ASAP1: variants seen among roughly 807,000 people sequenced by gnomAD.
ASAP1 encodes ArfGAP with SH3 domain, ankyrin repeat and PH domain 1.
In ASAP1, 43 loss-of-function variants were observed where a neutral mutation model predicts 145.2. The observed-to-expected ratio is 0.30, with a 90% CI of 0.23 to 0.38. The LOEUF (loss-of-function observed/expected upper bound fraction) is 0.38. ASAP1 is among the 10% of genes least tolerant of loss of function. ASAP1 has a pLI of 1.00. For synonymous variants in ASAP1, 546 were observed against 515.5 expected (o/e 1.06, Z -0.80); for missense variants, 1,018 against 1,355.3 (o/e 0.75, Z 3.91).
At chr8:130,429,618 A>C (rs1405399726) in intron 1 of ASAP1, among the ~76,000 whole-genome samples, 1 of 152,036 alleles carries the variant, frequency 6.6e-6, no homozygotes, top group African/African-American at 2.4e-5. Flanking sequence ...CCCTCTGTAG[A>C]CTCTGTTTCA....
At chr8:130,360,837 TTG>T (rs1826677113) in intron 2 of ASAP1, 1 of 152,240 alleles carries the variant, frequency 6.6e-6, no homozygotes, top group Non-Finnish European at 1.5e-5. Flanking sequence ...ACATGGTCTT[TTG>T]AAGTATGAGC....
chr8:130,255,238 C>T (rs989158828), intron 3 of ASAP1, among the ~76,000 whole-genome samples: 8 of 152,232 alleles, frequency 5.3e-5, no homozygotes, highest in African/African-American at 1.9e-4. Flanking sequence ...AAGAAAAACT[C>T]CAAGACAAGT....
At chr8:130,144,165 A>T (rs957300634) in intron 13 of ASAP1, among the ~76,000 whole-genome samples, 2 of 152,200 alleles carry the variant, frequency 1.3e-5, no homozygotes, top group Admixed American at 1.3e-4. Context: ...CATACAATCA[A>T]TAACTACAAC....
At chr8:130,107,165 A>AGT (rs1384743377) in intron 24 of ASAP1, among the ~76,000 whole-genome samples, 1 of 147,268 alleles carries the variant, frequency 6.8e-6, no homozygotes, top group Admixed American at 6.9e-5. Context: ...GAAGAACTAT[A>AGT]GTCTCTCTCT....
chr8:130,148,898 A>C (rs1030321632), intron 13 of ASAP1, among the ~76,000 whole-genome samples: 8 of 151,830 alleles, frequency 5.3e-5, no homozygotes, highest in African/African-American at 1.5e-4. Flanking sequence ...GCAGTGGCGC[A>C]ATCTTGGCTC....
chr8:130,072,958 C>T (rs531401987), intron 27 of ASAP1, among the ~76,000 whole-genome samples: 1 of 151,008 alleles, frequency 6.6e-6, no homozygotes, highest in East Asian at 1.9e-4. Context: ...GGGGAAAAAT[C>T]CCCACACGTT....
At position 130,086,630 on chromosome 8, in the gene ASAP1, C is replaced by T. The variant is rs2097493821; in HGVS notation, c.2572+5343G>A. On this transcript the variant is annotated intron_variant, in intron 25 of 29. Coordinates refer to ENST00000518721, the MANE Select transcript of ASAP1 (RefSeq NM_018482.4). Reference sequence around the variant, plus strand: ...ACCAGCCTGGGCAATATGGTGAAACCCCGTCTCCACAAAAAATACAAAAAT... The same window carrying T: ...ACCAGCCTGGGCAATATGGTGAAACTCCGTCTCCACAAAAAATACAAAAAT... 2.0e-5 allele frequency among the ~76,000 whole-genome samples: 3 copies of T among 152,060 alleles called. No individual in the cohort carries two copies. The South Asian group carries it at 6.2e-4, about 32-fold the overall frequency.
In ASAP1 at chr8:130,134,422, T is replaced by C. The variant is rs564976308; in HGVS notation, c.1169-78A>G. ...CAGGTACAACACAGATTTAAGTTCCTGGGAAGAAAACCAGTAAAAGTAGAA... is the reference window on the plus strand; with the variant it reads ...CAGGTACAACACAGATTTAAGTTCCCGGGAAGAAAACCAGTAAAAGTAGAA... On this transcript the variant is annotated intron_variant, in intron 14 of 29. Coordinates refer to ENST00000518721, the MANE Select transcript of ASAP1 (RefSeq NM_018482.4). The C allele has an allele frequency of 4.3e-5, 39 of 899,496 alleles. No homozygotes were observed. In the South Asian group the frequency reaches 6.8e-4, roughly 16 times the overall value. 55.7% of individuals were successfully genotyped at this position (899,496 alleles called of 1,614,324 possible). A position where few individuals can be genotyped will look rare whatever the true frequency, so the allele number is the denominator to read the frequency against.
intron 2 of ASAP1, among the ~76,000 whole-genome samples, chr8:130,395,631 G>C (rs146497697): frequency 0.01 from 1,556 of 152,144 alleles, 16 homozygotes; most frequent in Non-Finnish European, 0.015. Flanking sequence ...CCAACACGTT[G>C]ATCTTGAACT....
chr8:130,188,143 G>A lies in ASAP1; in HGVS notation c.446C>T (p.Ser149Phe). Residue 149 changes from serine to phenylalanine, a missense_variant, in exon 6 of 30, where the codon TCT becomes TTT. This residue lies in a region of ASAP1 where 78 missense variants were observed against 161.0 expected (regional missense o/e 0.48). Coordinates refer to ENST00000518721, the MANE Select transcript of ASAP1 (RefSeq NM_018482.4). ...TCCCTTTAGGTCTCCTTTTAACAAA[G>A]AATCCAAGGTGAAGATCACATTGTG... ...LSHNVIFTLD[S>F]LLKGDLKGVK... 6.2e-7 allele frequency: 1 copy of A among 1,613,756 alleles called. No homozygotes were observed. The highest frequency in any genetic ancestry group is 8.5e-7 in the Non-Finnish European group (1 of 1,179,826).
intron 24 of ASAP1, among the ~76,000 whole-genome samples, chr8:130,107,148 TTA>T (rs1491464958): frequency 6.6e-6 from 1 of 151,854 alleles, no homozygotes; most frequent in Non-Finnish European, 1.5e-5. Context: ...GGATTGGGCC[TTA>T]TGAGGAAGAA....
chr8:130,149,000 C>A (rs978190448), intron 13 of ASAP1, among the ~76,000 whole-genome samples: 2 of 149,118 alleles, frequency 1.3e-5, no homozygotes, highest in Admixed American at 6.8e-5. Flanking sequence ...TCATGCCCAG[C>A]TAATTTTTGC....
chr8:130,104,021 T>C (rs1011790330), intron 24 of ASAP1, among the ~76,000 whole-genome samples: 2 of 152,196 alleles, frequency 1.3e-5, no homozygotes, highest in Non-Finnish European at 2.9e-5. Context: ...ATGGATATTC[T>C]CTACCATACA....
intron 20 of ASAP1, 105 bp from the exon 21 acceptor site, chr8:130,117,100 T>A: frequency 1.5e-6 from 1 of 653,212 alleles, no homozygotes; most frequent in Non-Finnish European, 2.6e-6. Flanking sequence ...ATTTGAGACC[T>A]AATTATTATA....
chr8:130,076,266 C>T lies in ASAP1; in HGVS notation c.2701+82G>A. The stretch of plus-strand genomic sequence containing the variant: ...TAGGCATTTGGGATGGATCAATGAA[C>T]AAGGGAGATAAAAACCTTGGGCCCC... On this transcript the variant is annotated intron_variant, in intron 27 of 29. Transcript: ENST00000518721. 3.1e-6 allele frequency: 3 copies of T among 966,340 alleles called. No homozygotes were observed. In the South Asian group the frequency reaches 4.6e-5, roughly 15 times the overall value. The allele number at this position is 966,340 out of a possible 1,614,324, so 59.9% of individuals were successfully genotyped here. A position where few individuals can be genotyped will look rare whatever the true frequency, so the allele number is the denominator to read the frequency against.
At chr8:130,088,177 C>G (rs1003754310) in intron 25 of ASAP1, among the ~76,000 whole-genome samples, 2 of 152,080 alleles carry the variant, frequency 1.3e-5, no homozygotes, top group African/African-American at 4.8e-5. Context: ...GTTGCACAGG[C>G]TGGGGTGCAA....
intron 3 of ASAP1, among the ~76,000 whole-genome samples, chr8:130,326,851 A>G (rs973476939): frequency 1.3e-5 from 2 of 152,204 alleles, no homozygotes; most frequent in Admixed American, 6.5e-5. Flanking sequence ...GAATATATTC[A>G]GAGACAATCA....
In ASAP1 at chr8:130,274,500, A is replaced by T. The variant is rs1263315832; in HGVS notation, c.187-37506T>A. Among the ~76,000 whole-genome samples the T allele has an allele frequency of 2.6e-5, 4 of 152,348 alleles. No homozygotes were observed. In the East Asian group the frequency reaches 7.7e-4, roughly 29 times the overall value. ...CTGAACCCTTGCACCAGACCACTCG[A>T]TCTACCTTAAATCCTAAATGGAAAA... On this transcript the variant is annotated intron_variant, in intron 3 of 29. Coordinates refer to ENST00000518721, the MANE Select transcript of ASAP1 (RefSeq NM_018482.4).
In ASAP1 at chr8:130,247,810, C is replaced by T. The variant is rs371737012; in HGVS notation, c.187-10816G>A. Among the ~76,000 whole-genome samples, 9 of 152,296 alleles carry T rather than the reference C, an allele frequency of 5.9e-5. No individual in the cohort carries two copies. In the East Asian group the frequency reaches 1.7e-3, roughly 29 times the overall value. On this transcript the variant is annotated intron_variant, in intron 3 of 29. Coordinates refer to ENST00000518721, the MANE Select transcript of ASAP1 (RefSeq NM_018482.4). The stretch of plus-strand genomic sequence containing the variant: ...CACAGAGGGGCTTTCCACTTAGCTT[C>T]AGGCACACCCTGGGAACCACAGCTT...
Sources: allele counts gnomAD v4.1 joint callset (sites outside exome capture counted in the v4.1 genomes callset), GRCh38; gene constraint gnomAD v4.1.1; regional missense constraint gnomAD v4.1.1; transcripts MANE v1.5; gene names NCBI Gene and HGNC (gene_info 2026-07-23, HGNC 2026-07-21).